Variants in FAM184B observed in about 807,000 individuals in gnomAD.
FAM184B encodes the protein family with sequence similarity 184 member B, also known as protein FAM184B.
A neutral mutation model predicts 135.9 loss-of-function variants in FAM184B; 111 were observed. The observed-to-expected ratio is 0.82, with a 90% confidence interval of 0.70 to 0.96. The LOEUF (loss-of-function observed/expected upper bound fraction) is 0.96, where lower values mean the gene tolerates loss of function less well. Among genes scored for constraint, FAM184B ranks in the 40% least tolerant of loss-of-function variants. The pLI, the probability that FAM184B is intolerant of heterozygous loss-of-function variation, is 0.00. For synonymous variants in FAM184B, 552 were observed against 524.8 expected, an observed-to-expected ratio of 1.05 and a Z score of -0.71; for missense variants, 1,375 against 1,323.9, an observed-to-expected ratio of 1.04 and a Z score of -0.60.
chr4:17,655,963 G>A (rs556142743), intron 10 of FAM184B, among the ~76,000 whole-genome samples: 11 of 152,196 alleles, frequency 7.2e-5, no homozygotes, highest in South Asian at 6.2e-4. Flanking sequence ...TGACCTATCC[G>A]AGCTCCCACA....
At chr4:17,733,733 T>G (rs1449410670) in intron 1 of FAM184B, among the ~76,000 whole-genome samples, 1 of 152,124 alleles carries the variant, frequency 6.6e-6, no homozygotes, top group Non-Finnish European at 1.5e-5. Context: ...AGAATCAATA[T>G]CGTGAAAATG....
chr4:17,647,464 G>C (rs1325248960), intron 12 of FAM184B, among the ~76,000 whole-genome samples, 173 bp downstream of exon 12: 1 of 151,978 alleles, frequency 6.6e-6, no homozygotes, highest in African/African-American at 2.4e-5. Flanking sequence ...TGCCCTGGCT[G>C]GTCTTGAAAT....
At chr4:17,656,436 G>T (rs1482816332) in intron 10 of FAM184B, among the ~76,000 whole-genome samples, 1 of 152,064 alleles carries the variant, frequency 6.6e-6, no homozygotes, top group Non-Finnish European at 1.5e-5. Context: ...GAGTCTTGCC[G>T]TGTTGCCCAG....
chr4:17,745,452 C>T (rs112251734), intron 1 of FAM184B, among the ~76,000 whole-genome samples: 198 of 152,306 alleles, frequency 1.3e-3, no homozygotes, highest in Middle Eastern at 0.01. Flanking sequence ...GTACCGCGGC[C>T]GGGCTATTTC....
At chr4:17,774,042 A>G (rs940487340) in intron 1 of FAM184B, among the ~76,000 whole-genome samples, 5 of 152,186 alleles carry the variant, frequency 3.3e-5, no homozygotes, top group African/African-American at 1.2e-4. Context: ...AGGGATTCCA[A>G]CCCTGCTGGG....
rs371766298 is a variant in FAM184B at position 17,672,589 on chromosome 4, G to T, written c.1597-7930C>A. On this transcript the variant is annotated intron_variant, in intron 7 of 17. Transcript: ENST00000265018. ...TTTGCTGAGAGTTTTAATCATAAAG[G>T]GATGCTGGATTTTATCAAATGTTTT... is the stretch of plus-strand genomic sequence containing the variant. Among the ~76,000 whole-genome samples the T allele has an allele frequency of 2.2e-3, 331 of 152,178 alleles. 2 individuals are homozygous for T. The highest frequency in any genetic ancestry group is 7.5e-3 in the African/African-American group (311 of 41,534).
chr4:17,648,730 G>C (rs1032006113), intron 11 of FAM184B, among the ~76,000 whole-genome samples: 35 of 152,030 alleles, frequency 2.3e-4, no homozygotes, highest in African/African-American at 7.2e-4. Flanking sequence ...CATGGAGGTA[G>C]GAGATGGCAT....
chr4:17,712,278 G>C (rs1178301033), intron 1 of FAM184B, among the ~76,000 whole-genome samples: 1 of 152,176 alleles, frequency 6.6e-6, no homozygotes. Flanking sequence ...AGGCCAAGTA[G>C]AGGAAATGAT....
intron 1 of FAM184B, among the ~76,000 whole-genome samples, chr4:17,713,788 G>A (rs1350393694): frequency 3.3e-5 from 5 of 152,198 alleles, no homozygotes; most frequent in Non-Finnish European, 5.9e-5. Flanking sequence ...TGCACATCTC[G>A]GATGTGGCAG....
chr4:17,709,733 G>T, intron 1 of FAM184B, 89 bp from the exon 2 acceptor site: 2 of 1,222,818 alleles, frequency 1.6e-6, no homozygotes, highest in Non-Finnish European at 2.2e-6. Context: ...CCTGCATGGC[G>T]GTTGATCTGC....
chr4:17,694,810 C>T (rs977616286), intron 5 of FAM184B, among the ~76,000 whole-genome samples: 4 of 152,124 alleles, frequency 2.6e-5, no homozygotes, highest in South Asian at 2.1e-4. Context: ...GCTAACAAGA[C>T]GGCAAACACT....
At chr4:17,719,968 G>A (rs1271800567) in intron 1 of FAM184B, among the ~76,000 whole-genome samples, 4 of 152,226 alleles carry the variant, frequency 2.6e-5, no homozygotes, top group South Asian at 2.1e-4. Flanking sequence ...CTTGGCTTCC[G>A]CAATAGAACA....
chr4:17,637,959 C>G (rs1046462432), intron 14 of FAM184B, among the ~76,000 whole-genome samples: 2 of 140,034 alleles, frequency 1.4e-5, no homozygotes, highest in African/African-American at 5.3e-5. Context: ...GCAGGAGTCC[C>G]TTCACCCAGC....
intron 1 of FAM184B, among the ~76,000 whole-genome samples, chr4:17,710,100 C>G (rs931435850): frequency 2.0e-5 from 3 of 152,040 alleles, no homozygotes; most frequent in Non-Finnish European, 2.9e-5. Flanking sequence ...CAGAGGCAGG[C>G]GGATCACCTG....
At chr4:17,640,263 G>A (rs1173190370) in intron 13 of FAM184B, among the ~76,000 whole-genome samples, 2 of 148,548 alleles carry the variant, frequency 1.3e-5, no homozygotes, top group African/African-American at 2.5e-5. Flanking sequence ...ACGAGGACAG[G>A]AGTTCGAGAC....
intron 1 of FAM184B, among the ~76,000 whole-genome samples, chr4:17,742,421 A>G (rs946127057): frequency 6.6e-6 from 1 of 152,092 alleles, no homozygotes; most frequent in African/African-American, 2.4e-5. Context: ...GTGACAGAGC[A>G]ATGATAACAG....
At chr4:17,635,748 A>G (rs1715106816) in intron 15 of FAM184B, among the ~76,000 whole-genome samples, 1 of 152,014 alleles carries the variant, frequency 6.6e-6, no homozygotes, top group South Asian at 2.1e-4. Flanking sequence ...AATGTCACCT[A>G]ATTTTCAAAG....
rs1341763906 is a variant in FAM184B, at chr4:17,636,677, C to G, written c.2667-32G>C. ...CAAGCAGGCATGCAGTCAAGTCCCC[C>G]TTACAGCAATTACTCAACAAAGAGG... is the stretch of plus-strand genomic sequence containing the variant. On this transcript the variant is annotated intron_variant, in intron 14 of 17. Transcript: ENST00000265018. 13 of 1,481,584 alleles carry G rather than the reference C, an allele frequency of 8.8e-6. No individual in the cohort carries two copies. The African/African-American group carries it at 1.8e-4, about 21-fold the overall frequency. The allele number at this position is 1,481,584 out of a possible 1,614,324, so 91.8% of individuals were successfully genotyped here.
intron 7 of FAM184B, among the ~76,000 whole-genome samples, chr4:17,676,977 C>T (rs2058338): frequency 0.53 from 80,527 of 152,142 alleles, 23,496 homozygotes; most frequent in East Asian, 0.82. Context: ...AATGTATCAT[C>T]GTCATTAAGT....
Sources: allele counts gnomAD v4.1 joint callset (sites outside exome capture counted in the v4.1 genomes callset), GRCh38; gene constraint gnomAD v4.1.1; transcripts MANE v1.5; gene names NCBI Gene and HGNC (gene_info 2026-07-23, HGNC 2026-07-21).